Variants in XPO6 observed in about 807,000 individuals in gnomAD.
XPO6 encodes the protein exportin 6, also known as exportin-6.
A neutral mutation model predicts 130.0 loss-of-function variants in XPO6; 3 were observed. That is an observed-to-expected ratio of 0.02 (90% CI 0.01 to 0.06). The LOEUF (loss-of-function observed/expected upper bound fraction) is 0.06. Ranked by LOEUF, XPO6 falls within the 10% of genes least tolerant of loss-of-function variation. The probability of loss-of-function intolerance (pLI) is 1.00; values close to 1 mark genes in which losing one functional copy is unlikely to be tolerated. For synonymous variants in XPO6, 524 were observed against 548.9 expected, an observed-to-expected ratio of 0.95 and a Z score of 0.63; for missense variants, 970 against 1,393.0, an observed-to-expected ratio of 0.70 and a Z score of 4.83.
chr16:28,189,662 G>A (rs1315241909), intron 1 of XPO6, among the ~76,000 whole-genome samples: 9 of 152,232 alleles, frequency 5.9e-5, no homozygotes, highest in African/African-American at 1.7e-4. Context: ...CTGGGCAGGC[G>A]CGCCCACCCC....
intron 1 of XPO6, among the ~76,000 whole-genome samples, chr16:28,197,176 C>T (rs544354055): frequency 2.0e-5 from 3 of 151,996 alleles, no homozygotes; most frequent in African/African-American, 7.2e-5. Flanking sequence ...CACTTAAATC[C>T]GGGAGACAGA....
chr16:28,122,304 T>C (rs563775997), intron 13 of XPO6, among the ~76,000 whole-genome samples: 1 of 152,238 alleles, frequency 6.6e-6, no homozygotes, highest in South Asian at 2.1e-4. Context: ...TAATGTTTTA[T>C]AAATGAGGAG....
chr16:28,191,953 G>C (rs2043793304), intron 1 of XPO6, among the ~76,000 whole-genome samples: 1 of 152,132 alleles, frequency 6.6e-6, no homozygotes, highest in African/African-American at 2.4e-5. Flanking sequence ...AGGTAGACTT[G>C]GCATTTTAAA....
chr16:28,098,670 A>C, intron 23 of XPO6, 31 bp from the exon 24 acceptor site: 1 of 1,560,582 alleles, frequency 6.4e-7, no homozygotes, highest in Non-Finnish European at 8.8e-7. Flanking sequence ...TGCAGCCAAC[A>C]ACACACCAGG....
intron 12 of XPO6, among the ~76,000 whole-genome samples, chr16:28,128,587 C>T (rs2042606628): frequency 6.6e-6 from 1 of 152,164 alleles, no homozygotes. Flanking sequence ...CAAAACACTA[C>T]CCTAAATCAA....
intron 1 of XPO6, among the ~76,000 whole-genome samples, chr16:28,192,326 A>G (rs1189140657): frequency 6.6e-6 from 1 of 151,748 alleles, no homozygotes; most frequent in Non-Finnish European, 1.5e-5. Flanking sequence ...TCTAGACCAC[A>G]TTACTACTGG....
rs2086928454 is a variant in XPO6, at chr16:28,111,799, A to G, written c.2341+18T>C. 1.2e-6 allele frequency: 2 copies of G among 1,613,092 alleles called. No individual in the cohort carries two copies. The highest frequency in any genetic ancestry group is 1.7e-6 in the Non-Finnish European group (2 of 1,179,290). The stretch of plus-strand genomic sequence containing the variant: ...GCCTACCTCCTTCCCCAGCTGTCCT[A>G]GCCTAGGGGTCACTTACTGTCATCC... On this transcript the variant is annotated intron_variant, in intron 17 of 23. Coordinates refer to ENST00000304658, the MANE Select transcript of XPO6 (RefSeq NM_015171.4).
chr16:28,169,696 A>C, intron 5 of XPO6, 54 bp downstream of exon 5: 1 of 1,598,542 alleles, frequency 6.3e-7, no homozygotes, highest in Non-Finnish European at 8.5e-7. Flanking sequence ...CAAGGCCTGA[A>C]CTCTGGGTGC....
intron 9 of XPO6, among the ~76,000 whole-genome samples, chr16:28,139,196 G>A (rs1243170659): frequency 6.6e-6 from 1 of 152,190 alleles, no homozygotes; most frequent in African/African-American, 2.4e-5. Context: ...AGAAGATGAA[G>A]AGACACAAGG....
At chr16:28,157,463 A>T (rs1223033118) in intron 6 of XPO6, among the ~76,000 whole-genome samples, 1 of 152,212 alleles carries the variant, frequency 6.6e-6, no homozygotes, top group Non-Finnish European at 1.5e-5. Context: ...CTCAAAAAAT[A>T]AAAAATAAAA....
At chr16:28,170,327 T>C (rs1423516938) in intron 4 of XPO6, among the ~76,000 whole-genome samples, 2 of 137,674 alleles carry the variant, frequency 1.5e-5, no homozygotes, top group African/African-American at 3.0e-5. Flanking sequence ...AGCAAAACTC[T>C]GTCTCAAAAA....
intron 1 of XPO6, among the ~76,000 whole-genome samples, chr16:28,199,405 G>C (rs2043919921): frequency 6.6e-6 from 1 of 152,098 alleles, no homozygotes; most frequent in Admixed American, 6.5e-5. Context: ...CTCCTGAGTT[G>C]CTGGGATTAC....
At chr16:28,152,912 A>C in intron 7 of XPO6, 127 bp from the exon 8 acceptor site, 3 of 1,409,826 alleles carry the variant, frequency 2.1e-6, no homozygotes, top group Non-Finnish European at 2.8e-6. Context: ...TAAAAATATA[A>C]AGGCCTGCAA....
rs1294050490 is a variant in XPO6, at chr16:28,211,738, C to A, written c.-370G>T. ...CCCCGGCCTCCGCGGGCAGAGGTGG[C>A]GGCGGCCCCGGCCCCGAGGCTGAAC... On this transcript the variant is annotated 5_prime_UTR_variant, in exon 1 of 24. Transcript: ENST00000304658. 5 of 350,318 alleles carry A rather than the reference C, an allele frequency of 1.4e-5. No individual in the cohort carries two copies. The highest frequency in any genetic ancestry group is 2.6e-5 in the Non-Finnish European group (5 of 195,414). The allele number at this position is 350,318 out of a possible 1,614,324, so 21.7% of individuals were successfully genotyped here.
In XPO6 at chr16:28,132,200, G is replaced by C; in HGVS notation, c.1606+134C>G. On this transcript the variant is annotated intron_variant, in intron 12 of 23. Coordinates refer to ENST00000304658, the MANE Select transcript of XPO6 (RefSeq NM_015171.4). This position sits in a 1 kb window ranked among gnomAD's most constrained non-coding sequence, Gnocchi z 4.0. ...AGCCTTTAAAAACGTTCCCTGTTTC[G>C]AAGTGGGGAGAGATGCCAGTGGGGA... 1.4e-6 allele frequency: 1 copy of C among 698,162 alleles called. No individual in the cohort carries two copies. Among genetic ancestry groups the C allele is most frequent in the Non-Finnish European group, 2.5e-6 (1 of 404,968 alleles). The allele number at this position is 698,162 out of a possible 1,614,324, so 43.2% of individuals were successfully genotyped here. A position where few individuals can be genotyped will look rare whatever the true frequency, so the allele number is the denominator to read the frequency against.
chr16:28,138,852 C>T (rs1007958890), intron 9 of XPO6, among the ~76,000 whole-genome samples: 1 of 152,098 alleles, frequency 6.6e-6, no homozygotes, highest in Non-Finnish European at 1.5e-5. Flanking sequence ...GAAGCCACGC[C>T]TAATGGTAGA....
At chr16:28,156,964 A>C (rs1441684758) in intron 6 of XPO6, among the ~76,000 whole-genome samples, 1 of 152,212 alleles carries the variant, frequency 6.6e-6, no homozygotes, top group Non-Finnish European at 1.5e-5. Context: ...CCATTAAATA[A>C]ATAAACAAAT....
At chr16:28,119,198 T>C (rs1157529454) in intron 14 of XPO6, among the ~76,000 whole-genome samples, 1 of 151,134 alleles carries the variant, frequency 6.6e-6, no homozygotes, top group African/African-American at 2.4e-5. Flanking sequence ...TTTTTTTTTT[T>C]GGTAGGGACA....
At chr16:28,119,548 T>A (rs1019697130) in intron 14 of XPO6, among the ~76,000 whole-genome samples, 2 of 152,048 alleles carry the variant, frequency 1.3e-5, no homozygotes, top group African/African-American at 4.8e-5. Flanking sequence ...TCAGTCACTC[T>A]CACACACACA....
Sources: gnomAD v4.1 joint callset for allele counts (sites outside exome capture counted in the v4.1 genomes callset) on GRCh38, gnomAD v4.1.1 for gene constraint, Gnocchi (gnomAD v3.1) non-coding constraint, MANE v1.5 for transcripts, NCBI Gene and HGNC (gene_info 2026-07-23, HGNC 2026-07-21) for gene names.